The following LRRC37A2 variants were observed in gnomAD, a reference collection of about 807,000 sequenced individuals.
LRRC37A2 encodes leucine rich repeat containing 37 member A2, also known as leucine-rich repeat-containing protein 37A2.
Under a neutral mutation model 68.8 loss-of-function variants are expected in LRRC37A2, and 9 were observed. The ratio of observed to expected loss-of-function variants is 0.13; its 90% CI spans 0.08 to 0.23. The LOEUF (loss-of-function observed/expected upper bound fraction) is 0.23, where lower values mean the gene tolerates loss of function less well. Among genes scored for constraint, LRRC37A2 ranks in the 10% least tolerant of loss-of-function variants. LRRC37A2 has a pLI of 1.00. For synonymous variants in LRRC37A2, 63 were observed against 367.6 expected, an observed-to-expected ratio of 0.17 and a Z score of 9.48; for missense variants, 168 against 950.4, an observed-to-expected ratio of 0.18 and a Z score of 10.82.
chr17:46,496,429 C>T, the LRRC37A2 span, among the ~76,000 whole-genome samples: 1 of 148,760 alleles, frequency 6.7e-6, no homozygotes, highest in South Asian at 2.1e-4. Context: ...CATGGCGAAA[C>T]CCCATCTCTA....
the LRRC37A2 span, chr17:46,764,100 A>G: frequency 6.6e-6 from 1 of 152,166 alleles, no homozygotes; most frequent in African/African-American, 2.4e-5. Flanking sequence ...CTTTTATCAG[A>G]ATGAGAAATT....
At chr17:46,839,980 TC>T in the LRRC37A2 span, among the ~76,000 whole-genome samples, 85 of 139,136 alleles carry the variant, frequency 6.1e-4, no homozygotes, top group African/African-American at 2.3e-3. Context: ...TTCTTTCTCT[TC>T]TTTCTTTCTT....
the LRRC37A2 span, among the ~76,000 whole-genome samples, chr17:46,691,864 T>C: frequency 6.6e-6 from 1 of 151,222 alleles, no homozygotes; most frequent in Non-Finnish European, 1.5e-5. Flanking sequence ...GTGATTTTCC[T>C]GCCTCAGCCT....
chr17:47,024,531 T>C, the LRRC37A2 span: 2 of 706,678 alleles, frequency 2.8e-6, no homozygotes, highest in African/African-American at 1.8e-5. Context: ...AAAAGGAAAA[T>C]GTAAGAAAAG....
chr17:47,036,595 A>C, the LRRC37A2 span, among the ~76,000 whole-genome samples: 1 of 151,950 alleles, frequency 6.6e-6, no homozygotes, highest in Non-Finnish European at 1.5e-5. Flanking sequence ...AAAAAAAAAA[A>C]CATTATTTCC....
At chr17:46,927,880 A>G in the LRRC37A2 span, among the ~76,000 whole-genome samples, 1 of 151,888 alleles carries the variant, frequency 6.6e-6, no homozygotes, top group Non-Finnish European at 1.5e-5. Context: ...CGTGTTGATC[A>G]TATTACCAAC....
the LRRC37A2 span, among the ~76,000 whole-genome samples, chr17:46,793,897 G>T: frequency 6.6e-6 from 1 of 152,172 alleles, no homozygotes. Context: ...CAAATCCCAT[G>T]CTATCGCTAT....
chr17:46,729,869 C>T, the LRRC37A2 span, among the ~76,000 whole-genome samples: 22 of 151,674 alleles, frequency 1.5e-4, no homozygotes, highest in Admixed American at 1.4e-3. Context: ...TTTTTTTTAA[C>T]TTCTAAAATA....
the LRRC37A2 span, among the ~76,000 whole-genome samples, chr17:46,718,728 C>G: frequency 6.6e-6 from 1 of 151,952 alleles, no homozygotes; most frequent in Non-Finnish European, 1.5e-5. Context: ...TCTCATCTGT[C>G]AAATGAAGAT....
At chr17:46,822,461 G>A in the LRRC37A2 span, among the ~76,000 whole-genome samples, 1 of 152,246 alleles carries the variant, frequency 6.6e-6, no homozygotes, top group Non-Finnish European at 1.5e-5. Context: ...AAGGAGCGCA[G>A]GTGCACGCGG....
chr17:47,018,641 G>A, the LRRC37A2 span: 32 of 1,520,202 alleles, frequency 2.1e-5, no homozygotes, highest in South Asian at 6.7e-5. Context: ...TTCAGTCTCC[G>A]GAACCTATTA....
the LRRC37A2 span, among the ~76,000 whole-genome samples, chr17:46,893,588 G>A: frequency 6.6e-6 from 1 of 152,070 alleles, no homozygotes; most frequent in Admixed American, 6.6e-5. Context: ...GTGTATATGA[G>A]CAGAGTAGGG....
the LRRC37A2 span, among the ~76,000 whole-genome samples, chr17:46,769,315 C>CAAAAAAAAAA: frequency 9.7e-6 from 1 of 102,862 alleles, no homozygotes; most frequent in Admixed American, 1.0e-4. Flanking sequence ...GACTCCGTCT[C>CAAAAAAAAAA]AAAAAAAAAA....
At chr17:46,502,290 T>C in the LRRC37A2 span, among the ~76,000 whole-genome samples, 1 of 151,074 alleles carries the variant, frequency 6.6e-6, no homozygotes, top group African/African-American at 2.5e-5. Context: ...ACCCCCACTG[T>C]TATCTAGTTT....
At chr17:46,907,785 G>T in the LRRC37A2 span, among the ~76,000 whole-genome samples, 1 of 151,570 alleles carries the variant, frequency 6.6e-6, no homozygotes, top group Non-Finnish European at 1.5e-5. Context: ...GAGCCCAGGA[G>T]TTTGAGGTTG....
At chr17:46,498,521 TAC>T in the LRRC37A2 span, among the ~76,000 whole-genome samples, 1 of 137,594 alleles carries the variant, frequency 7.3e-6, no homozygotes, top group African/African-American at 3.2e-5. Flanking sequence ...TTCAAGTAAC[TAC>T]AGAACATCGT....
At chr17:46,773,616 T>TGGGGGGGGGGGG in the LRRC37A2 span, 1 of 997,790 alleles carries the variant, frequency 1.0e-6, no homozygotes, top group Non-Finnish European at 1.5e-6. Context: ...CATACAGTCC[T>TGGGGGGGGGGGG]GATCCCTCCC....
the LRRC37A2 span, among the ~76,000 whole-genome samples, chr17:46,883,136 G>A: frequency 7.9e-5 from 12 of 151,380 alleles, no homozygotes; most frequent in Non-Finnish European, 1.3e-4. Context: ...CCGCCACCAC[G>A]CCCGGCTAAT....
At chr17:46,805,506 G>C in the LRRC37A2 span, among the ~76,000 whole-genome samples, 2 of 152,200 alleles carry the variant, frequency 1.3e-5, no homozygotes, top group Non-Finnish European at 2.9e-5. Flanking sequence ...CGGGGAGGTG[G>C]AGGTTGCAGT....
Sources: gnomAD v4.1 joint callset for allele counts (sites outside exome capture counted in the v4.1 genomes callset) on GRCh38, gnomAD v4.1.1 for gene constraint, MANE v1.5 for transcripts, NCBI Gene and HGNC (gene_info 2026-07-23, HGNC 2026-07-21) for gene names.